PDE11A: variants seen among roughly 807,000 people sequenced by gnomAD.
PDE11A encodes the protein phosphodiesterase 11A, also known as dual 3',5'-cyclic-AMP and -GMP phosphodiesterase 11A.
PDE11A carries 100 observed loss-of-function variants against 100.5 expected under a neutral mutation model. The ratio of observed to expected loss-of-function variants is 1.00; its 90% CI spans 0.85 to 1.18. PDE11A has a LOEUF of 1.18. Among genes scored for constraint, PDE11A ranks in the 50% most tolerant of loss-of-function variants. The pLI is 0.00. For synonymous variants in PDE11A, 381 were observed against 420.8 expected (o/e 0.91, Z 1.16); for missense variants, 1,141 against 1,152.6 (o/e 0.99, Z 0.15).
At chr2:177,925,236 T>C (rs1384156255) in intron 2 of PDE11A, among the ~76,000 whole-genome samples, 1 of 151,518 alleles carries the variant, frequency 6.6e-6, no homozygotes, top group East Asian at 1.9e-4. Flanking sequence ...GTCCTTTGGG[T>C]ATATACCCAG....
chr2:177,981,493 C>T (rs1381752730), intron 2 of PDE11A, among the ~76,000 whole-genome samples: 1 of 150,560 alleles, frequency 6.6e-6, no homozygotes, highest in Non-Finnish European at 1.5e-5. Context: ...CTCCCTGTAT[C>T]TCTTCACAGA....
At chr2:177,998,245 G>A in intron 2 of PDE11A, 1 of 832,668 alleles carries the variant, frequency 1.2e-6, no homozygotes, top group South Asian at 1.3e-5. Flanking sequence ...GATTCAGTTA[G>A]TATAAGCTCT....
chr2:178,101,128 C>T (rs1253859763), intron 2 of PDE11A, among the ~76,000 whole-genome samples: 7 of 152,310 alleles, frequency 4.6e-5, no homozygotes, highest in South Asian at 4.1e-4. Flanking sequence ...GCAAGCTCAG[C>T]GGCCCCCAAG....
At chr2:177,655,982 G>A (rs1358832938) in intron 19 of PDE11A, among the ~76,000 whole-genome samples, 1 of 152,286 alleles carries the variant, frequency 6.6e-6, no homozygotes, top group East Asian at 1.9e-4. Flanking sequence ...AAAATTTAAT[G>A]TATTTCCTAG....
chr2:178,017,546 G>T (rs945416717), intron 1 of PDE11A, among the ~76,000 whole-genome samples: 4 of 152,138 alleles, frequency 2.6e-5, no homozygotes, highest in Non-Finnish European at 5.9e-5. Flanking sequence ...AAGCATGTAA[G>T]GGAATAATAA....
At chr2:177,653,643 G>A (rs1028397531) in intron 19 of PDE11A, among the ~76,000 whole-genome samples, 7 of 152,130 alleles carry the variant, frequency 4.6e-5, no homozygotes, top group Non-Finnish European at 7.3e-5. Flanking sequence ...ACAAAAGAAC[G>A]TTATGTGAAG....
intron 10 of PDE11A, among the ~76,000 whole-genome samples, chr2:177,752,501 AAGATT>A (rs1220780502): frequency 1.3e-5 from 2 of 152,234 alleles, no homozygotes; most frequent in African/African-American, 4.8e-5. Context: ...GTGAATAAAC[AAGATT>A]ATAACTCAGG....
intron 4 of PDE11A, among the ~76,000 whole-genome samples, chr2:177,877,910 G>T (rs567915702): frequency 1.3e-5 from 2 of 152,272 alleles, no homozygotes; most frequent in African/African-American, 4.8e-5. Context: ...GCCGTACGCA[G>T]TCATGCTTCA....
In PDE11A at chr2:177,792,666, C is replaced by T. The variant is rs530815642; in HGVS notation, c.1738-23293G>A. Among the ~76,000 whole-genome samples the T allele has an allele frequency of 6.2e-4, 95 of 152,220 alleles. 2 individuals are homozygous for T. Among genetic ancestry groups the T allele is most frequent in the Non-Finnish European group, 3.2e-4 (22 of 68,034 alleles). ...ACTCACTAGGGCCACAGAAGTGACT[C>T]GTCACCATGGATGAAATAAAAATGC... On this transcript the variant is annotated intron_variant, in intron 9 of 19. Transcript: ENST00000286063.
At chr2:177,802,471 A>C in intron 9 of PDE11A, among the ~76,000 whole-genome samples, 1 of 152,222 alleles carries the variant, frequency 6.6e-6, no homozygotes, top group African/African-American at 2.4e-5. Context: ...GATCAAGAGG[A>C]GAATGGATAA....
intron 10 of PDE11A, among the ~76,000 whole-genome samples, chr2:177,738,283 G>T (rs978695508): frequency 5.3e-5 from 8 of 152,092 alleles, no homozygotes; most frequent in Non-Finnish European, 7.4e-5. Context: ...CAAGAAGAAG[G>T]TAGGTCCTTG....
At chr2:177,701,351 T>G (rs187551174) in intron 13 of PDE11A, 140 bp from the exon 14 acceptor site, 100 of 682,572 alleles carry the variant, frequency 1.5e-4, no homozygotes, top group Admixed American at 1.9e-4. Context: ...TGTAGTCCAT[T>G]CATCTATGAA....
intron 1 of PDE11A, among the ~76,000 whole-genome samples, chr2:178,051,109 A>G (rs963718825): frequency 6.6e-6 from 1 of 152,222 alleles, no homozygotes; most frequent in African/African-American, 2.4e-5. Context: ...CCAGAGAGAA[A>G]GGTCATGTTA....
At chr2:177,984,132 T>C (rs1375855125) in intron 2 of PDE11A, among the ~76,000 whole-genome samples, 2 of 152,178 alleles carry the variant, frequency 1.3e-5, no homozygotes, top group Non-Finnish European at 2.9e-5. Context: ...AAGTGGTTTA[T>C]ATAAAAATTT....
chr2:177,945,832 G>T (rs1157536761), intron 2 of PDE11A, among the ~76,000 whole-genome samples: 1 of 106,704 alleles, frequency 9.4e-6, no homozygotes, highest in Non-Finnish European at 2.2e-5. Flanking sequence ...GAGGTGGGGG[G>T]GTCAGCCCCC....
At chr2:177,904,506 TAAGC>T (rs1223703498) in intron 3 of PDE11A, among the ~76,000 whole-genome samples, 1 of 152,020 alleles carries the variant, frequency 6.6e-6, no homozygotes, top group African/African-American at 2.4e-5. Flanking sequence ...AAGCCATAAG[TAAGC>T]AAGGATATAT....
At chr2:178,017,045 C>T (rs542757541) in intron 1 of PDE11A, among the ~76,000 whole-genome samples, 2 of 152,364 alleles carry the variant, frequency 1.3e-5, no homozygotes, top group African/African-American at 4.8e-5. Context: ...AAATCTAAGA[C>T]AGCAGAGATT....
chr2:177,772,244 A>C (rs1260324340), intron 9 of PDE11A, among the ~76,000 whole-genome samples: 1 of 152,136 alleles, frequency 6.6e-6, no homozygotes, highest in Non-Finnish European at 1.5e-5. Flanking sequence ...TATTAAAAAT[A>C]AAGATATATT....
intron 19 of PDE11A, among the ~76,000 whole-genome samples, chr2:177,638,225 T>C (rs2105443217): frequency 6.6e-6 from 1 of 152,060 alleles, no homozygotes. Context: ...GGTCTCGATC[T>C]CCTGACCTTG....
Sources: gnomAD v4.1 joint callset for allele counts (sites outside exome capture counted in the v4.1 genomes callset) on GRCh38, gnomAD v4.1.1 for gene constraint, MANE v1.5 for transcripts, NCBI Gene and HGNC (gene_info 2026-07-23, HGNC 2026-07-21) for gene names.